The following KCTD8 variants were observed in gnomAD, a reference collection of about 807,000 sequenced individuals.
KCTD8 encodes potassium channel tetramerization domain containing 8.
A neutral mutation model predicts 31.5 loss-of-function variants in KCTD8; 27 were observed. The observed-to-expected ratio is 0.86, with a 90% CI of 0.63 to 1.18. The LOEUF (loss-of-function observed/expected upper bound fraction) is 1.18. Ranked by LOEUF, KCTD8 falls within the 50% of genes most tolerant of loss-of-function variation. The pLI, the probability that KCTD8 is intolerant of heterozygous loss-of-function variation, is 0.00. For missense variants in KCTD8, 658 were observed against 647.7 expected (o/e 1.02, Z -0.17); for synonymous variants, 290 against 280.0 (o/e 1.04, Z -0.36).
At chr4:44,377,181 T>C (rs951493534) in intron 1 of KCTD8, among the ~76,000 whole-genome samples, 2 of 152,214 alleles carry the variant, frequency 1.3e-5, no homozygotes, top group African/African-American at 2.4e-5. Flanking sequence ...TGAGGCTTCA[T>C]GGCAGTGCTC....
intron 1 of KCTD8, among the ~76,000 whole-genome samples, chr4:44,364,629 T>G (rs1241587838): frequency 6.6e-6 from 1 of 152,118 alleles, no homozygotes; most frequent in East Asian, 1.9e-4. Flanking sequence ...TGTCTAGCAA[T>G]CATAGTCACA....
At chr4:44,372,165 ATGT>A (rs1175302401) in intron 1 of KCTD8, among the ~76,000 whole-genome samples, 3 of 152,224 alleles carry the variant, frequency 2.0e-5, no homozygotes, top group Non-Finnish European at 2.9e-5. Context: ...TATCAGACTG[ATGT>A]AATACAGTCC....
At chr4:44,403,764 A>G (rs1720720756) in intron 1 of KCTD8, among the ~76,000 whole-genome samples, 1 of 152,198 alleles carries the variant, frequency 6.6e-6, no homozygotes, top group Non-Finnish European at 1.5e-5. Context: ...TAGGACTTCA[A>G]CATATGAATT....
chr4:44,214,183 T>C (rs1053332711), intron 1 of KCTD8, among the ~76,000 whole-genome samples: 4 of 152,208 alleles, frequency 2.6e-5, no homozygotes, highest in Admixed American at 1.3e-4. Flanking sequence ...TCTCTTATTT[T>C]GTAGGACTCC....
chr4:44,317,193 T>G (rs1293457864), intron 1 of KCTD8, among the ~76,000 whole-genome samples: 8 of 149,092 alleles, frequency 5.4e-5, no homozygotes, highest in Admixed American at 1.3e-4. Flanking sequence ...AACAGAACCA[T>G]GCACATTTGT....
chr4:44,204,454 C>T lies in KCTD8; in HGVS notation c.962-29204G>A, dbSNP rs553825334. Among the ~76,000 whole-genome samples, 4 of 152,178 alleles carry T rather than the reference C, an allele frequency of 2.6e-5. No homozygotes were observed. The East Asian group carries it at 7.7e-4, about 29-fold the overall frequency. On this transcript the variant is annotated intron_variant, in intron 1 of 1. Transcript: ENST00000360029. ...GAAAAGCACTGTGAAAATCCCTGTCCTGTTCTGTTCTGTTCTAATTACTGG... is the reference window on the plus strand; with the variant it reads ...GAAAAGCACTGTGAAAATCCCTGTCTTGTTCTGTTCTGTTCTAATTACTGG...
intron 1 of KCTD8, among the ~76,000 whole-genome samples, chr4:44,196,719 G>A (rs1713952828): frequency 6.6e-6 from 1 of 152,076 alleles, no homozygotes; most frequent in South Asian, 2.1e-4. Flanking sequence ...GAGCTCCCAG[G>A]GAATCCACAC....
In KCTD8 at chr4:44,353,089, A is replaced by G. The variant is rs372177952; in HGVS notation, c.961+94474T>C. Among the ~76,000 whole-genome samples the G allele has an allele frequency of 1.8e-4, 27 of 152,270 alleles. No individual in the cohort carries two copies. The East Asian group carries it at 1.9e-3, about 11-fold the overall frequency. On this transcript the variant is annotated intron_variant, in intron 1 of 1. Coordinates refer to ENST00000360029, the MANE Select transcript of KCTD8 (RefSeq NM_198353.3). ...AATAAAGATACAGAATGTTTCCAAA[A>G]TTCAAAAAGTTATCTTACCACATTG...
chr4:44,262,374 T>C (rs1187596018), intron 1 of KCTD8, among the ~76,000 whole-genome samples: 4 of 151,924 alleles, frequency 2.6e-5, no homozygotes, highest in Non-Finnish European at 4.4e-5. Flanking sequence ...ATGGTAATGA[T>C]CCAAGAGAGA....
At chr4:44,228,627 T>G (rs1324694537) in intron 1 of KCTD8, among the ~76,000 whole-genome samples, 3 of 152,216 alleles carry the variant, frequency 2.0e-5, no homozygotes, top group Non-Finnish European at 4.4e-5. Flanking sequence ...CTTTTCATCT[T>G]TCTTTTTCAC....
At chr4:44,263,482 T>G (rs1052093830) in intron 1 of KCTD8, among the ~76,000 whole-genome samples, 7 of 152,206 alleles carry the variant, frequency 4.6e-5, no homozygotes, top group Admixed American at 4.6e-4. Context: ...AACCCAGATT[T>G]AAACACTGCA....
chr4:44,382,873 C>A (rs1438269434), intron 1 of KCTD8, among the ~76,000 whole-genome samples: 1 of 151,876 alleles, frequency 6.6e-6, no homozygotes, highest in Non-Finnish European at 1.5e-5. Flanking sequence ...TCAAACTGTT[C>A]CTGTTTGCAG....
chr4:44,359,112 T>A (rs1719432945), intron 1 of KCTD8, among the ~76,000 whole-genome samples: 1 of 152,228 alleles, frequency 6.6e-6, no homozygotes, highest in African/African-American at 2.4e-5. Flanking sequence ...TTCTATAGGT[T>A]GCCTGTTCAC....
rs1255027031 is a variant in KCTD8, at chr4:44,175,022, G to C, written c.1190C>G (p.Pro397Arg). ...LTLDRPSKKA[P>R]VQWIPPPDKR... ...GTCTGGTGGGGGTATCCATTGTACA[G>C]GTGCTTTTTTAGAGGGGCGATCCAA... is the stretch of plus-strand genomic sequence containing the variant. The change falls in exon 2 of 2, where the codon CCT (proline) becomes CGT (arginine). Residue 397 changes from proline (P) to arginine (R), a missense_variant. Coordinates refer to ENST00000360029, the MANE Select transcript of KCTD8 (RefSeq NM_198353.3). 1.9e-6 allele frequency: 3 copies of C among 1,614,050 alleles called. No individual in the cohort carries two copies. Among genetic ancestry groups the C allele is most frequent in the Admixed American group, 3.3e-5 (2 of 60,012 alleles).
In KCTD8 at chr4:44,373,102, C is replaced by T. The variant is rs1005115090; in HGVS notation, c.961+74461G>A. Among the ~76,000 whole-genome samples, 7 of 152,134 alleles carry T rather than the reference C, an allele frequency of 4.6e-5. No homozygotes were observed. In the East Asian group the frequency reaches 1.4e-3, roughly 29 times the overall value. On this transcript the variant is annotated intron_variant, in intron 1 of 1. Transcript: ENST00000360029. ...AATAGAGGCCGGGCGCAGTGGCTCACACCTGTATTCCCAGCACTTTGGGAG... is the reference window on the plus strand; with the variant it reads ...AATAGAGGCCGGGCGCAGTGGCTCATACCTGTATTCCCAGCACTTTGGGAG...
At chr4:44,200,651 A>G (rs1231205797) in intron 1 of KCTD8, among the ~76,000 whole-genome samples, 1 of 152,078 alleles carries the variant, frequency 6.6e-6, no homozygotes, top group Non-Finnish European at 1.5e-5. Flanking sequence ...TTGAAGAAAC[A>G]TACCTCAAAA....
chr4:44,322,275 T>A (rs1480849511), intron 1 of KCTD8, among the ~76,000 whole-genome samples: 1 of 152,106 alleles, frequency 6.6e-6, no homozygotes, highest in Admixed American at 6.5e-5. Flanking sequence ...GCTGTCTTTT[T>A]TATAATAGCC....
intron 1 of KCTD8, among the ~76,000 whole-genome samples, chr4:44,177,202 T>G (rs1329109205): frequency 6.6e-6 from 1 of 152,154 alleles, no homozygotes; most frequent in Admixed American, 6.5e-5. Context: ...GTACAGACTA[T>G]GTTCTTAAGC....
At chr4:44,223,791 T>A (rs1577839024) in intron 1 of KCTD8, among the ~76,000 whole-genome samples, 1 of 152,218 alleles carries the variant, frequency 6.6e-6, no homozygotes, top group Non-Finnish European at 1.5e-5. Context: ...AGGAGCAAAC[T>A]TAAGCCCAGA....
Sources: gnomAD v4.1 joint callset for allele counts (sites outside exome capture counted in the v4.1 genomes callset) on GRCh38, gnomAD v4.1.1 for gene constraint, MANE v1.5 for transcripts, NCBI Gene and HGNC (gene_info 2026-07-23, HGNC 2026-07-21) for gene names.